The following TNK2 variants were observed in gnomAD, a reference collection of about 807,000 sequenced individuals.
TNK2 encodes the protein activated CDC42 kinase 1.
Under a neutral mutation model 101.8 loss-of-function variants are expected in TNK2, and 83 were observed. The observed-to-expected ratio is 0.82, with a 90% CI of 0.68 to 0.98. The LOEUF (loss-of-function observed/expected upper bound fraction) is 0.98, where lower values mean the gene tolerates loss of function less well. TNK2 is among the 50% of genes least tolerant of loss of function. The pLI is 0.00. For synonymous variants in TNK2, 804 were observed against 633.0 expected (o/e 1.27, Z -4.06); for missense variants, 1,665 against 1,483.2 (o/e 1.12, Z -2.01).
At chr3:195,868,820 C>A in intron 12 of TNK2, 111 bp from the exon 13 acceptor site, 1 of 1,292,988 alleles carries the variant, frequency 7.7e-7, no homozygotes. Flanking sequence ...ACCCTCCACT[C>A]CCAACTCCCC....
chr3:195,867,271 A>G lies in TNK2; in HGVS notation c.2938-7T>C. 1 of 1,609,154 alleles carries G rather than the reference A, an allele frequency of 6.2e-7. No homozygotes were observed. Among genetic ancestry groups the G allele is most frequent in the Non-Finnish European group, 8.5e-7 (1 of 1,177,844 alleles). On this transcript the variant is annotated splice_region_variant and splice_polypyrimidine_tract_variant and intron_variant, in intron 13 of 15. Coordinates refer to ENST00000672887, the MANE Select transcript of TNK2 (RefSeq NM_001382273.1). ...CATGCACCATGGCCTGCAGCTGGGCACACCCACCCCTGTCAGCACCACTAG... is the reference window on the plus strand; with the variant it reads ...CATGCACCATGGCCTGCAGCTGGGCGCACCCACCCCTGTCAGCACCACTAG...
At chr3:195,876,482 CCAAA>C (rs1749357888) in intron 9 of TNK2, 1 of 456,834 alleles carries the variant, frequency 2.2e-6, no homozygotes, top group Admixed American at 2.3e-5. Flanking sequence ...ACGGAGGCAG[CCAAA>C]CAAACATGGA....
intron 6 of TNK2, 129 bp from the exon 7 acceptor site, chr3:195,879,304 G>A: frequency 7.0e-7 from 1 of 1,434,900 alleles, no homozygotes; most frequent in Non-Finnish European, 9.4e-7. Context: ...GTGGGTCTCA[G>A]GGGCGCCGTG....
intron 2 of TNK2, among the ~76,000 whole-genome samples, chr3:195,887,740 TGTGTGTGCACAC>T (rs945303625): frequency 3.6e-5 from 5 of 139,302 alleles, no homozygotes; most frequent in African/African-American, 1.5e-4. Context: ...TGTATGTGCG[TGTGTGTGCACAC>T]GCGTGTGCGC....
chr3:195,869,179 A>G, intron 12 of TNK2: 2 of 559,850 alleles, frequency 3.6e-6, no homozygotes, highest in Non-Finnish European at 3.2e-6. Flanking sequence ...AAGCCCAGAC[A>G]GCGCCTGCAG....
In TNK2 at chr3:195,869,559, CGGACAGGGGGAGAGAGACGGAGCA is replaced by C. The variant is rs751134784; in HGVS notation, c.1544-42_1544-19del. 2.6e-6 allele frequency: 4 copies of C among 1,550,980 alleles called. No homozygotes were observed. The African/African-American group carries it at 5.5e-5, about 21-fold the overall frequency. On this transcript the variant is annotated intron_variant, in intron 11 of 15. Coordinates refer to ENST00000672887, the MANE Select transcript of TNK2 (RefSeq NM_001382273.1). ...AGGCTCCCCTGCAAGAAAGGCCATG[CGGACAGGGGGAGAGAGACGGAGCA>C]GGACAGAGGACAAAGGAGGGAGACG...
At chr3:195,879,311 C>A in intron 6 of TNK2, 136 bp from the exon 7 acceptor site, 1 of 1,367,004 alleles carries the variant, frequency 7.3e-7, no homozygotes, top group South Asian at 1.4e-5. Context: ...TCAGGGGCGC[C>A]GTGTGAAGCG....
In TNK2 at chr3:195,888,955, T is replaced by A. The variant is rs927062149; in HGVS notation, c.-18-349A>T. On this transcript the variant is annotated intron_variant, in intron 1 of 15. Transcript: ENST00000672887. The surrounding 1 kb of genome is among the most constrained non-coding windows in gnomAD (Gnocchi z 5.3). Reference sequence around the variant, plus strand: ...AAGTCCTTGAAAATCTTTTAAAAACTAACAGTGGTCTCTCCGGGAACACCG... The same window carrying A: ...AAGTCCTTGAAAATCTTTTAAAAACAAACAGTGGTCTCTCCGGGAACACCG... 2.6e-5 allele frequency among the ~76,000 whole-genome samples: 4 copies of A among 152,096 alleles called. No homozygotes were observed. Among genetic ancestry groups the A allele is most frequent in the Non-Finnish European group, 5.9e-5 (4 of 68,014 alleles).
intron 10 of TNK2, 30 bp downstream of exon 10, chr3:195,872,246 G>A (rs745819696): frequency 6.8e-6 from 11 of 1,611,962 alleles, no homozygotes; most frequent in Admixed American, 6.7e-5. Flanking sequence ...AGCGGGGCCA[G>A]GTCAGCATCC....
chr3:195,874,562 T>C, intron 9 of TNK2, among the ~76,000 whole-genome samples: 1 of 121,326 alleles, frequency 8.2e-6, no homozygotes, highest in African/African-American at 3.4e-5. Context: ...CCACGCACGC[T>C]CCGAGGCACA....
At position 195,868,716 on chromosome 3, in the gene TNK2, T is replaced by C. The variant is rs11540613; in HGVS notation, c.1589-7A>G. 2.0e-3 allele frequency: 3,160 copies of C among 1,546,202 alleles called. 62 individuals carry two copies. The African/African-American group carries it at 0.039, about 19-fold the overall frequency. ...ACAGGGTCATAGGTTGGTTCTGTGATGGAAAGGGAGAGCCCAACAGGAAGG... is the reference window on the plus strand; with the variant it reads ...ACAGGGTCATAGGTTGGTTCTGTGACGGAAAGGGAGAGCCCAACAGGAAGG... On this transcript the variant is annotated splice_polypyrimidine_tract_variant and splice_region_variant and intron_variant, in intron 12 of 15. Coordinates refer to ENST00000672887, the MANE Select transcript of TNK2 (RefSeq NM_001382273.1).
Position 195,886,760 on chromosome 3 carries a change from C to T in TNK2, c.234+217G>A, listed in dbSNP as rs1755778796. Among the ~76,000 whole-genome samples, 1 of 152,192 alleles carries T rather than the reference C, an allele frequency of 6.6e-6. No homozygotes were observed. The highest frequency in any genetic ancestry group is 2.1e-4 in the South Asian group (1 of 4,826). ...TGAAGGCCTCACCGCACACAGGCTG[C>T]TCACGTGTCCGTATCTGGCGGAGAC... On this transcript the variant is annotated intron_variant, in intron 3 of 15. Coordinates refer to ENST00000672887, the MANE Select transcript of TNK2 (RefSeq NM_001382273.1). This position sits in a 1 kb window ranked among gnomAD's most constrained non-coding sequence, Gnocchi z 4.2.
rs1373374019 is a variant in TNK2 at position 195,872,341 on chromosome 3, G to A, written c.1386C>T (p.Phe462=). The A allele has an allele frequency of 3.7e-6, 6 of 1,613,390 alleles. No homozygotes were observed. The highest frequency in any genetic ancestry group is 4.5e-5 in the East Asian group (2 of 44,876). Residue 462 remains phenylalanine (F), a synonymous_variant, in exon 10 of 16, where the codon TTC becomes TTT. Coordinates refer to ENST00000672887, the MANE Select transcript of TNK2 (RefSeq NM_001382273.1). ...QDISQPLQNS[F]IHTGHGDSDP... ...CACTGTCGCCATGCCCTGTGTGGAT[G>A]AAGCTGTTCTGCAGGGGCTGGCTGA... is the stretch of plus-strand genomic sequence containing the variant.
At chr3:195,871,277 C>T (rs1446196356) in intron 10 of TNK2, among the ~76,000 whole-genome samples, 1 of 152,070 alleles carries the variant, frequency 6.6e-6, no homozygotes, top group African/African-American at 2.4e-5. Context: ...TATCCTCTTA[C>T]ATAGGAGACA....
In TNK2 at chr3:195,888,812, G is replaced by A. The variant is rs1757217350; in HGVS notation, c.-18-206C>T. On this transcript the variant is annotated intron_variant, in intron 1 of 15. Transcript: ENST00000672887. The surrounding 1 kb of genome is among the most constrained non-coding windows in gnomAD (Gnocchi z 5.3). ...CACAGGGCACAATTAGGGCGGCGGA[G>A]ATACAGCCCTGGCCCTGGAGTCAGG... is the stretch of plus-strand genomic sequence containing the variant. 6.6e-6 allele frequency among the ~76,000 whole-genome samples: 1 copy of A among 152,068 alleles called. No individual in the cohort carries two copies. Among genetic ancestry groups the A allele is most frequent in the South Asian group, 2.1e-4 (1 of 4,810 alleles).
At chr3:195,893,130 G>T (rs901797526) in intron 1 of TNK2, among the ~76,000 whole-genome samples, 3 of 151,986 alleles carry the variant, frequency 2.0e-5, no homozygotes, top group African/African-American at 7.3e-5. Flanking sequence ...CAGCCTGAGT[G>T]GGAGGCTTGG....
At chr3:195,865,016 C>T (rs376222141) in intron 15 of TNK2, among the ~76,000 whole-genome samples, 6 of 136,682 alleles carry the variant, frequency 4.4e-5, no homozygotes, top group African/African-American at 1.1e-4. Flanking sequence ...CGAGTGCCTG[C>T]GTCCCGGGTG....
In TNK2 at chr3:195,888,665, C is replaced by T. The variant is rs1757153359; in HGVS notation, c.-18-59G>A. On this transcript the variant is annotated intron_variant, in intron 1 of 15. Coordinates refer to ENST00000672887, the MANE Select transcript of TNK2 (RefSeq NM_001382273.1). The surrounding 1 kb of genome is among the most constrained non-coding windows in gnomAD (Gnocchi z 5.3). ...TGTGGGGGGACAACAGGGGCCTGCC[C>T]GAGTGACCTGGGCTCACCTTCATCC... The T allele has an allele frequency of 1.7e-5, 26 of 1,497,678 alleles. No homozygotes were observed. The highest frequency in any genetic ancestry group is 1.8e-5 in the Non-Finnish European group (20 of 1,112,698). The allele number at this position is 1,497,678 out of a possible 1,614,324, so 92.8% of individuals were successfully genotyped here. A position where few individuals can be genotyped will look rare whatever the true frequency, so the allele number is the denominator to read the frequency against.
At position 195,879,108 on chromosome 3, in the gene TNK2, T is replaced by G; in HGVS notation, c.955A>C (p.Thr319Pro). 1 of 1,613,680 alleles carries G rather than the reference T, an allele frequency of 6.2e-7. No homozygotes were observed. The highest frequency in any genetic ancestry group is 8.5e-7 in the Non-Finnish European group (1 of 1,179,968). The change falls in exon 7 of 16, where the codon ACA (threonine) becomes CCA (proline). Residue 319 changes from threonine to proline, a missense_variant. By Grantham distance (38) the Thr-to-Pro change is conservative. Transcript: ENST00000672887. ...CCGTAGGTGAACATTTCCCACAGTG[T>G]CACCCCGAACATCCAGGTGTCGCTG... ...HASDTWMFGVTLWEMFTYGQE... is the reference protein window; with the variant it reads ...HASDTWMFGVPLWEMFTYGQE...
Sources: allele counts gnomAD v4.1 joint callset (sites outside exome capture counted in the v4.1 genomes callset), GRCh38; gene constraint gnomAD v4.1.1; non-coding constraint Gnocchi (gnomAD v3.1); transcripts MANE v1.5; gene names NCBI Gene and HGNC (gene_info 2026-07-23, HGNC 2026-07-21).